The following SMS variants were observed in gnomAD, a reference collection of about 807,000 sequenced individuals.
SMS encodes the protein spermine synthase, also known as spermidine aminopropyltransferase.
SMS carries 3 observed loss-of-function variants against 33.0 expected under a neutral mutation model. The observed-to-expected ratio is 0.09, with a 90% CI of 0.04 to 0.23. SMS has a LOEUF of 0.23. Ranked by LOEUF, SMS falls within the 10% of genes least tolerant of loss-of-function variation. SMS has a pLI of 1.00. For synonymous variants in SMS, 103 were observed against 112.2 expected, an observed-to-expected ratio of 0.92 and a Z score of 0.52; for missense variants, 117 against 288.6, an observed-to-expected ratio of 0.41 and a Z score of 4.31.
rs1016260408 is a variant in SMS at position 21,970,327 on chromosome X, G to A, written c.171-1570G>A. ...TCTATTTCTGGTTTTATCCCTAGTA[G>A]CACCTTAATCCTTGACACTGCCTTC... On this transcript the variant is annotated intron_variant, in intron 2 of 10. Coordinates refer to ENST00000404933, the MANE Select transcript of SMS (RefSeq NM_004595.5). Among the ~76,000 whole-genome samples, 11 of 110,814 alleles carry A rather than the reference G, an allele frequency of 9.9e-5. No homozygotes were observed. The East Asian group carries it at 3.1e-3, about 31-fold the overall frequency.
In SMS at chrX:21,971,966, G is replaced by T. The variant is rs755902675; in HGVS notation, c.240G>T (p.Ala80=). 1.7e-6 allele frequency: 2 copies of T among 1,193,642 alleles called. No homozygotes were observed. The highest frequency in any genetic ancestry group is 1.8e-5 in the South Asian group (1 of 56,461). Residue 80 remains alanine, a synonymous_variant, in exon 3 of 11, where the codon GCG becomes GCT. Coordinates refer to ENST00000404933, the MANE Select transcript of SMS (RefSeq NM_004595.5). ...ACCTTCAGAGTTATGATGGTGATGC[G>T]CAAGGCAAAGAAGAGATCGACAGTG... ...LLDLQSYDGD[A]QGKEEIDSIL...
chrX:21,943,732 C>G (rs1921991101), intron 1 of SMS, among the ~76,000 whole-genome samples: 1 of 111,138 alleles, frequency 9.0e-6, no homozygotes, highest in Non-Finnish European at 1.9e-5. Flanking sequence ...GCATTCTCTT[C>G]CATCACTTTA....
At position 21,977,483 on chromosome X, in the gene SMS, AT is replaced by A. The variant is rs1290108271; in HGVS notation, c.505+250del. ...ATTTCAAAAGAAAATGCATTTGCATATTTAAAAAAAAAAACCTTTTTGTTAC... is the reference window on the plus strand; with the variant it reads ...ATTTCAAAAGAAAATGCATTTGCATATTAAAAAAAAAAACCTTTTTGTTAC... On this transcript the variant is annotated intron_variant, in intron 5 of 10. Coordinates refer to ENST00000404933, the MANE Select transcript of SMS (RefSeq NM_004595.5). Among the ~76,000 whole-genome samples, 5 of 110,665 alleles carry A rather than the reference AT, an allele frequency of 4.5e-5. No individual in the cohort carries two copies. The East Asian group carries it at 1.4e-3, about 31-fold the overall frequency.
intron 10 of SMS, among the ~76,000 whole-genome samples, chrX:21,993,337 TGTTA>T (rs754189425): frequency 4.4e-5 from 5 of 112,957 alleles, no homozygotes; most frequent in Admixed American, 9.3e-5. Context: ...TGGTGTTCTC[TGTTA>T]GTTCCGCTTA....
chrX:21,974,673 T>C (rs1171109280), intron 4 of SMS, among the ~76,000 whole-genome samples: 3 of 111,551 alleles, frequency 2.7e-5, no homozygotes, highest in Non-Finnish European at 3.8e-5. Flanking sequence ...CTGGTTCTTT[T>C]CCTTTTTTGG....
At chrX:21,955,082 C>T (rs1008369423) in intron 1 of SMS, among the ~76,000 whole-genome samples, 8 of 111,412 alleles carry the variant, frequency 7.2e-5, no homozygotes, top group Non-Finnish European at 1.5e-4. Context: ...ATGATCCGAC[C>T]GCCTTGGCCT....
rs368269595 is a variant in SMS, at chrX:21,977,486, T to TA, written c.505+261dup. ...TCAAAAGAAAATGCATTTGCATATT[T>TA]AAAAAAAAAAACCTTTTTGTTACAG... On this transcript the variant is annotated intron_variant, in intron 5 of 10. Transcript: ENST00000404933. Among the ~76,000 whole-genome samples, 826 of 105,476 alleles carry TA rather than the reference T, an allele frequency of 7.8e-3. 7 individuals are homozygous for TA. The highest frequency in any genetic ancestry group is 0.026 in the African/African-American group (771 of 29,179). The allele number at this position is 105,476 out of a possible 115,157, so 91.6% of individuals were successfully genotyped here.
At chrX:21,988,662 C>CACAAAAAAAAAA (rs1925538926) in intron 9 of SMS, among the ~76,000 whole-genome samples, 3 of 66,156 alleles carry the variant, frequency 4.5e-5, no homozygotes, top group African/African-American at 1.6e-4. Context: ...GACTCTGTCT[C>CACAAAAAAAAAA]AAAAAAAAAA....
At chrX:21,953,229 C>T (rs1022255230) in intron 1 of SMS, among the ~76,000 whole-genome samples, 1 of 107,307 alleles carries the variant, frequency 9.3e-6, no homozygotes, top group Non-Finnish European at 1.9e-5. Flanking sequence ...CCGGCCCAGT[C>T]GGATTAACAT....
At position 21,985,140 on chromosome X, in the gene SMS, T is replaced by G; in HGVS notation, c.866-4T>G. 8.7e-7 allele frequency: 1 copy of G among 1,145,121 alleles called. No homozygotes were observed. Among genetic ancestry groups the G allele is most frequent in the Non-Finnish European group, 1.2e-6 (1 of 835,688 alleles). 94.4% of individuals were successfully genotyped at this position (1,145,121 alleles called of 1,213,427 possible). On this transcript the variant is annotated splice_region_variant and splice_polypyrimidine_tract_variant and intron_variant, in intron 8 of 10. Transcript: ENST00000404933. ...TTATGAAACTTGTTCTTTTAAACAT[T>G]CAGATTCCACATGGGAGTTTCTCAG...
intron 1 of SMS, among the ~76,000 whole-genome samples, chrX:21,945,644 C>A (rs1922171144): frequency 1.3e-5 from 1 of 76,633 alleles, no homozygotes; most frequent in South Asian, 1.3e-3. Context: ...TCCCCCCCCC[C>A]ACCCCCTACA....
intron 1 of SMS, among the ~76,000 whole-genome samples, chrX:21,949,439 C>T (rs5951672): frequency 0.14 from 16,093 of 111,583 alleles, 1,801 homozygotes; most frequent in African/African-American, 0.38. Context: ...TGAAGGGTAA[C>T]GAAAGCTCTG....
At chrX:21,988,222 A>G (rs952980057) in intron 9 of SMS, among the ~76,000 whole-genome samples, 1 of 112,102 alleles carries the variant, frequency 8.9e-6, no homozygotes, top group African/African-American at 3.2e-5. Context: ...AAGAAGTAGT[A>G]ATTAAGTCAA....
intron 2 of SMS, among the ~76,000 whole-genome samples, chrX:21,971,364 A>G (rs1473414238): frequency 1.1e-5 from 1 of 92,896 alleles, no homozygotes; most frequent in Non-Finnish European, 2.2e-5. Context: ...AAAAATGTAA[A>G]CCATTCTTAA....
At chrX:21,952,166 G>C (rs1188389132) in intron 1 of SMS, among the ~76,000 whole-genome samples, 1 of 111,737 alleles carries the variant, frequency 8.9e-6, no homozygotes, top group Non-Finnish European at 1.9e-5. Context: ...AATAGCAGCT[G>C]TGAGAACAGA....
At chrX:21,952,424 T>G (rs1922677217) in intron 1 of SMS, among the ~76,000 whole-genome samples, 1 of 107,095 alleles carries the variant, frequency 9.3e-6, no homozygotes, top group Non-Finnish European at 1.9e-5. Context: ...TTTGTTTGTT[T>G]TTTTTTTTTT....
chrX:21,967,452 C>T (rs979014218), intron 2 of SMS, 136 bp downstream of exon 2: 37 of 653,624 alleles, frequency 5.7e-5, no homozygotes, highest in Non-Finnish European at 9.0e-5. Context: ...GAACTTGGTG[C>T]TTCTCAACCG....
rs1201980664 is a variant in SMS at position 21,994,576 on chromosome X, G to A, written c.*225G>A. On this transcript the variant is annotated 3_prime_UTR_variant, in exon 11 of 11. Transcript: ENST00000404933. ...CTGAAGGATGGTTAGACAGCACAGC[G>A]AAGACTGCTAAATGCACTGACCCCC... is the stretch of plus-strand genomic sequence containing the variant. The A allele has an allele frequency of 1.3e-5, 13 of 998,801 alleles. No individual in the cohort carries two copies. The highest frequency in any genetic ancestry group is 4.1e-4 in the Middle Eastern group (1 of 2,420). 82.3% of individuals were successfully genotyped at this position (998,801 alleles called of 1,213,427 possible).
intron 1 of SMS, 27 bp downstream of exon 1, chrX:21,940,900 G>A: frequency 9.7e-7 from 1 of 1,026,903 alleles, no homozygotes; most frequent in Non-Finnish European, 1.3e-6. Flanking sequence ...CCACCTGCGT[G>A]GCCATCCCCG....
Sources: gnomAD v4.1 joint callset for allele counts (sites outside exome capture counted in the v4.1 genomes callset) on GRCh38, gnomAD v4.1.1 for gene constraint, MANE v1.5 for transcripts, NCBI Gene and HGNC (gene_info 2026-07-23, HGNC 2026-07-21) for gene names.